TMEM231: variants seen among roughly 807,000 people sequenced by gnomAD.
TMEM231 encodes the protein transmembrane protein 231.
In TMEM231, 40 loss-of-function variants were observed where a neutral mutation model predicts 38.5. The ratio of observed to expected loss-of-function variants is 1.04; its 90% CI spans 0.81 to 1.35. The LOEUF is 1.35. Ranked by LOEUF, TMEM231 falls within the 40% of genes most tolerant of loss-of-function variation. The pLI, the probability that TMEM231 is intolerant of heterozygous loss-of-function variation, is 0.00. For missense variants in TMEM231, 420 were observed against 416.9 expected (o/e 1.01, Z -0.07); for synonymous variants, 199 against 181.7 (o/e 1.10, Z -0.77).
At chr16:75,544,280 C>T (rs1260355306) in intron 4 of TMEM231, among the ~76,000 whole-genome samples, 2 of 152,110 alleles carry the variant, frequency 1.3e-5, no homozygotes. Context: ...GAGAGTCTGG[C>T]TGAGGAATGG....
intron 2 of TMEM231, 128 bp downstream of exon 2, chr16:75,555,676 G>A (rs958520544): frequency 1.0e-6 from 1 of 956,804 alleles, no homozygotes; most frequent in Non-Finnish European, 1.5e-6. Context: ...CACCTTTGCG[G>A]GTTCGCGAGT....
rs923928695 is a variant in TMEM231 at position 75,538,326 on chromosome 16, G to C, written c.*1668C>G. The C allele has an allele frequency of 2.0e-5, 3 of 152,096 alleles. No individual in the cohort carries two copies. Among genetic ancestry groups the C allele is most frequent in the Admixed American group, 2.0e-4 (3 of 15,272 alleles). 9.4% of individuals were successfully genotyped at this position (152,096 alleles called of 1,614,324 possible). ...GGCCTCATTTTGAACATTTTAATTA[G>C]AAAGTTACAAAACATCATGGGTTCT... On this transcript the variant is annotated 3_prime_UTR_variant, in exon 7 of 7. Coordinates refer to ENST00000258173, the MANE Select transcript of TMEM231 (RefSeq NM_001077418.3).
chr16:75,552,251 C>T (rs1250776898), intron 2 of TMEM231, among the ~76,000 whole-genome samples: 1 of 152,170 alleles, frequency 6.6e-6, no homozygotes, highest in South Asian at 2.1e-4. Context: ...CTCAGGAGTT[C>T]GAGACCAGCC....
chr16:75,547,751 C>A (rs1812507), intron 2 of TMEM231, among the ~76,000 whole-genome samples: 1 of 151,802 alleles, frequency 6.6e-6, no homozygotes, highest in South Asian at 2.1e-4. Flanking sequence ...TGCACTCCAG[C>A]CTGGTGACAG....
At chr16:75,541,565 G>T (rs2080629108) in intron 5 of TMEM231, 110 bp from the exon 6 acceptor site, 1 of 578,260 alleles carries the variant, frequency 1.7e-6, no homozygotes, top group Non-Finnish European at 2.8e-6. Context: ...AGAACTGAAA[G>T]AAATCATTCG....
intron 2 of TMEM231, among the ~76,000 whole-genome samples, chr16:75,552,570 CT>C (rs1161949694): frequency 1.3e-5 from 2 of 152,194 alleles, no homozygotes; most frequent in African/African-American, 2.4e-5. Flanking sequence ...GCCTCTCAAA[CT>C]TTCCCTTACT....
At chr16:75,543,440 T>C (rs2080649893) in intron 4 of TMEM231, among the ~76,000 whole-genome samples, 1 of 151,954 alleles carries the variant, frequency 6.6e-6, no homozygotes, top group African/African-American at 2.4e-5. Flanking sequence ...CGTGGTGGCA[T>C]ATGGCTGTAA....
intron 2 of TMEM231, 99 bp from the exon 3 acceptor site, chr16:75,546,053 T>C (rs1337226096): frequency 6.4e-7 from 1 of 1,554,726 alleles, no homozygotes; most frequent in Non-Finnish European, 8.7e-7. Flanking sequence ...TGTCTTGCTG[T>C]ACACAACAGG....
Position 75,537,490 on chromosome 16 carries a change from T to TCC in TMEM231, c.*2503_*2504insGG, listed in dbSNP as rs1555504200. The TCC allele has an allele frequency of 3.6e-5, 3 of 82,426 alleles. No homozygotes were observed. Among genetic ancestry groups the TCC allele is most frequent in the African/African-American group, 1.4e-4 (3 of 22,116 alleles). 5.1% of individuals were successfully genotyped at this position (82,426 alleles called of 1,614,324 possible). A position where few individuals can be genotyped will look rare whatever the true frequency, so the allele number is the denominator to read the frequency against. On this transcript the variant is annotated 3_prime_UTR_variant, in exon 7 of 7. Transcript: ENST00000258173. The stretch of plus-strand genomic sequence containing the variant: ...AGTTAATAAAATCCTCTATATTTCT[T>TCC]TTTTTTTTTTTTTTTGAGACGGAGT...
rs571122990 is a variant in TMEM231, at chr16:75,547,449, G to T, written c.310-1495C>A. Among the ~76,000 whole-genome samples the T allele has an allele frequency of 3.9e-5, 6 of 152,182 alleles. No individual in the cohort carries two copies. The South Asian group carries it at 1.0e-3, about 26-fold the overall frequency. On this transcript the variant is annotated intron_variant, in intron 2 of 6. Transcript: ENST00000258173. The stretch of plus-strand genomic sequence containing the variant: ...CTCTTGGATACTTCCTCTCTGCCCT[G>T]TTTCATCAGCTTCGGGGAGGGATAT...
At chr16:75,555,740 C>G in intron 2 of TMEM231, 64 bp downstream of exon 2, 2 of 1,416,086 alleles carry the variant, frequency 1.4e-6, no homozygotes, top group Non-Finnish European at 1.9e-6. Context: ...CCCACATCCT[C>G]ATTCCAGTCC....
At chr16:75,550,211 T>C (rs961329293) in intron 2 of TMEM231, among the ~76,000 whole-genome samples, 1 of 152,132 alleles carries the variant, frequency 6.6e-6, no homozygotes, top group Non-Finnish European at 1.5e-5. Flanking sequence ...GCCTCAGACT[T>C]CAAGAAGGGA....
chr16:75,555,415 G>C (rs1227682585), intron 2 of TMEM231: 1 of 199,234 alleles, frequency 5.0e-6, no homozygotes, highest in Admixed American at 6.1e-5. Flanking sequence ...CAGAAACGCC[G>C]CGACAGAATG....
chr16:75,555,835 T>C lies in TMEM231; in HGVS notation c.278A>G (p.Gln93Arg), dbSNP rs2080803502. The change falls in exon 2 of 7, where the codon CAA (glutamine) becomes CGA (arginine). Residue 93 changes from glutamine (Q) to arginine (R), a missense_variant. By Grantham distance (43) the Gln-to-Arg change is conservative. Transcript: ENST00000258173. ...WSTFPAFNRL[Q>R]GDRLRVPLVS... is the part of the protein sequence containing the mutation. Reference sequence around the variant, plus strand: ...GAGCGGGACGCGCAGGCGATCCCCTTGCAGCCGGTTGAAGGCGGGGAACGT... The same window carrying C: ...GAGCGGGACGCGCAGGCGATCCCCTCGCAGCCGGTTGAAGGCGGGGAACGT... The C allele has an allele frequency of 1.3e-6, 2 of 1,574,546 alleles. No individual in the cohort carries two copies. The highest frequency in any genetic ancestry group is 1.8e-5 in the Admixed American group (1 of 55,020).
At chr16:75,555,711 C>G in intron 2 of TMEM231, 93 bp downstream of exon 2, 1 of 1,339,082 alleles carries the variant, frequency 7.5e-7, no homozygotes, top group Non-Finnish European at 9.8e-7. Context: ...CTGGGCTCCC[C>G]AGGGCCGGGG....
intron 4 of TMEM231, among the ~76,000 whole-genome samples, chr16:75,545,128 G>A (rs1218996399): frequency 2.6e-5 from 4 of 151,212 alleles, no homozygotes; most frequent in African/African-American, 9.8e-5. Context: ...CTAATTTTTT[G>A]TATTTTTAGT....
At chr16:75,553,957 A>G (rs189562957) in intron 2 of TMEM231, among the ~76,000 whole-genome samples, 1 of 152,284 alleles carries the variant, frequency 6.6e-6, no homozygotes, top group Admixed American at 6.5e-5. Context: ...AAGATGATTT[A>G]GCTTCTTCTC....
chr16:75,541,344 G>A lies in TMEM231; in HGVS notation c.770+6C>T, dbSNP rs1369519439. Reference sequence around the variant, plus strand: ...CTTAACATGGACTCTTTAACAGAAAGGATATGAAATGACTTCCACAGGGTA... The same window carrying A: ...CTTAACATGGACTCTTTAACAGAAAAGATATGAAATGACTTCCACAGGGTA... On this transcript the variant is annotated splice_donor_region_variant and intron_variant, in intron 6 of 6. Transcript: ENST00000258173. 6.3e-7 allele frequency: 1 copy of A among 1,598,770 alleles called. No homozygotes were observed.
Position 75,556,195 on chromosome 16 carries a change from C to T in TMEM231, c.15G>A (p.Glu5=), listed in dbSNP as rs754078071. The T allele has an allele frequency of 1.4e-6, 2 of 1,479,770 alleles. No individual in the cohort carries two copies. Among genetic ancestry groups the T allele is most frequent in the Non-Finnish European group, 1.8e-6 (2 of 1,121,922 alleles). 91.7% of individuals were successfully genotyped at this position (1,479,770 alleles called of 1,614,324 possible). A position where few individuals can be genotyped will look rare whatever the true frequency, so the allele number is the denominator to read the frequency against. MALY[E]LFSHPVERSY... is the part of the protein sequence containing the mutation. ...TGCGCTCGACCGGGTGAGAGAAGAGCTCATAGAGCGCCATGAGCACCGCTC... is the reference window on the plus strand; with the variant it reads ...TGCGCTCGACCGGGTGAGAGAAGAGTTCATAGAGCGCCATGAGCACCGCTC... Residue 5 remains glutamate, a synonymous_variant, in exon 1 of 7, where the codon GAG becomes GAA. Transcript: ENST00000258173.
Sources: allele counts gnomAD v4.1 joint callset (sites outside exome capture counted in the v4.1 genomes callset), GRCh38; gene constraint gnomAD v4.1.1; transcripts MANE v1.5; gene names NCBI Gene and HGNC (gene_info 2026-07-23, HGNC 2026-07-21).